ARHGAP26: variants seen among roughly 807,000 people sequenced by gnomAD.
ARHGAP26 encodes the protein Rho GTPase activating protein 26.
Under a neutral mutation model 104.8 loss-of-function variants are expected in ARHGAP26, and 38 were observed. The ratio of observed to expected loss-of-function variants is 0.36; its 90% confidence interval spans 0.28 to 0.48. The LOEUF is 0.48. Among genes scored for constraint, ARHGAP26 ranks in the 20% least tolerant of loss-of-function variants. The probability of loss-of-function intolerance (pLI) is 0.99; values close to 1 mark genes in which losing one functional copy is unlikely to be tolerated. For missense variants in ARHGAP26, 704 were observed against 947.9 expected (o/e 0.74, Z 3.38); for synonymous variants, 341 against 340.0 (o/e 1.00, Z -0.03).
Position 143,214,081 on chromosome 5 carries a change from C to A in ARHGAP26, c.2184C>A (p.Phe728Leu). 1 of 1,538,802 alleles carries A rather than the reference C, an allele frequency of 6.5e-7. No homozygotes were observed. Among genetic ancestry groups the A allele is most frequent in the Non-Finnish European group, 8.8e-7 (1 of 1,132,820 alleles). ...TTTCGTTCACAGCAGGCACGGTCTT[C>A]GATAACGGTGAGTTTCTCATCCCCT... ...SELSFTAGTV[F>L]DNVHPSQEPG... is the part of the protein sequence containing the mutation. The change falls in exon 22 of 23, where the codon TTC becomes TTA. Residue 728 changes from phenylalanine to leucine, a missense_variant. By Grantham distance (22) the Phe-to-Leu change is conservative. Coordinates refer to ENST00000645722, the MANE Select transcript of ARHGAP26 (RefSeq NM_001135608.3).
At chr5:142,891,326 A>T (rs753919752) in intron 5 of ARHGAP26, among the ~76,000 whole-genome samples, 1 of 151,904 alleles carries the variant, frequency 6.6e-6, no homozygotes, top group Non-Finnish European at 1.5e-5. Flanking sequence ...AAATGCCCCC[A>T]GTCTTAGCCT....
At chr5:143,221,985 C>A (rs998167443) in intron 22 of ARHGAP26, among the ~76,000 whole-genome samples, 1 of 152,022 alleles carries the variant, frequency 6.6e-6, no homozygotes, top group Middle Eastern at 3.2e-3. Context: ...TGGACCAGGA[C>A]AACTGTTGCC....
intron 11 of ARHGAP26, among the ~76,000 whole-genome samples, chr5:142,938,152 G>A (rs767420220): frequency 6.6e-6 from 1 of 152,018 alleles, no homozygotes; most frequent in Non-Finnish European, 1.5e-5. Flanking sequence ...CTATGTTATA[G>A]TTTTAAAAGA....
chr5:142,842,133 A>T (rs1770931601), intron 1 of ARHGAP26, among the ~76,000 whole-genome samples: 1 of 152,194 alleles, frequency 6.6e-6, no homozygotes, highest in Non-Finnish European at 1.5e-5. Context: ...TTCCAAAGTC[A>T]TGATTCGCTT....
chr5:143,074,637 G>A (rs915938073), intron 17 of ARHGAP26, among the ~76,000 whole-genome samples: 1 of 152,172 alleles, frequency 6.6e-6, no homozygotes, highest in Non-Finnish European at 1.5e-5. Flanking sequence ...GGCAGCCTTC[G>A]AGCTAGGATG....
chr5:142,903,550 G>C lies in ARHGAP26; in HGVS notation c.713G>C (p.Arg238Pro). Reference protein sequence around the residue: ...LTISIQNTRNRFEGTRSEVES... With the variant: ...LTISIQNTRNPFEGTRSEVES... ...TTATTTTCATCCTAGACAAGAAATC[G>C]CTTTGAAGGCACTAGATCAGAAGTG... Residue 238 changes from arginine to proline, a missense_variant, in exon 8 of 23, where the codon CGC (arginine) becomes CCC (proline). This residue lies in a region of ARHGAP26 where 287 missense variants were observed against 438.8 expected (regional missense o/e 0.65). Coordinates refer to ENST00000645722, the MANE Select transcript of ARHGAP26 (RefSeq NM_001135608.3). 1 of 1,612,308 alleles carries C rather than the reference G, an allele frequency of 6.2e-7. No individual in the cohort carries two copies. Among genetic ancestry groups the C allele is most frequent in the Non-Finnish European group, 8.5e-7 (1 of 1,179,420 alleles).
intron 11 of ARHGAP26, among the ~76,000 whole-genome samples, chr5:143,007,194 G>GAAAA (rs34602049): frequency 2.9e-5 from 2 of 69,576 alleles, no homozygotes; most frequent in Non-Finnish European, 5.7e-5. Context: ...CTCTGTCTCC[G>GAAAA]AAAAAAAAAA....
At chr5:143,129,129 A>G (rs941891123) in intron 18 of ARHGAP26, among the ~76,000 whole-genome samples, 11 of 152,236 alleles carry the variant, frequency 7.2e-5, no homozygotes. Flanking sequence ...TTTTGTAGAC[A>G]GTGCAAGGGA....
intron 11 of ARHGAP26, among the ~76,000 whole-genome samples, chr5:142,997,362 C>A (rs1436799621): frequency 1.3e-5 from 2 of 152,132 alleles, no homozygotes; most frequent in Admixed American, 6.5e-5. Flanking sequence ...ACTCTACCTT[C>A]TTGTTTCAGC....
Position 142,903,527 on chromosome 5 carries a change from A to G in ARHGAP26, c.703-13A>G. 6.2e-7 allele frequency: 1 copy of G among 1,611,410 alleles called. No individual in the cohort carries two copies. The highest frequency in any genetic ancestry group is 8.5e-7 in the Non-Finnish European group (1 of 1,178,816). Reference sequence around the variant, plus strand: ...TTGTTTCTTTGATTTGAATAAAATTATTTTCATCCTAGACAAGAAATCGCT... The same window carrying G: ...TTGTTTCTTTGATTTGAATAAAATTGTTTTCATCCTAGACAAGAAATCGCT... On this transcript the variant is annotated splice_polypyrimidine_tract_variant and intron_variant, in intron 7 of 22. Coordinates refer to ENST00000645722, the MANE Select transcript of ARHGAP26 (RefSeq NM_001135608.3).
chr5:143,156,380 T>C (rs1167353743), intron 20 of ARHGAP26, among the ~76,000 whole-genome samples: 1 of 152,164 alleles, frequency 6.6e-6, no homozygotes, highest in Non-Finnish European at 1.5e-5. Flanking sequence ...CTTCATTTGG[T>C]CTCTGTTACA....
At chr5:143,088,814 A>G (rs754277257) in intron 17 of ARHGAP26, among the ~76,000 whole-genome samples, 13 of 152,198 alleles carry the variant, frequency 8.5e-5, no homozygotes, top group Non-Finnish European at 1.6e-4. Flanking sequence ...TAGACTGTAC[A>G]AGCTAAACAA....
intron 11 of ARHGAP26, among the ~76,000 whole-genome samples, chr5:142,954,555 A>G (rs1768904229): frequency 6.6e-6 from 1 of 150,970 alleles, no homozygotes; most frequent in Non-Finnish European, 1.5e-5. Context: ...GTTAGTCCAC[A>G]CTCCCTGGCT....
chr5:142,985,374 A>G (rs550024669), intron 11 of ARHGAP26, among the ~76,000 whole-genome samples: 4 of 152,332 alleles, frequency 2.6e-5, no homozygotes, highest in African/African-American at 9.6e-5. Flanking sequence ...CAGTGTTTAT[A>G]AAGTCTACAG....
At chr5:143,002,077 AG>A (rs1437750737) in intron 11 of ARHGAP26, among the ~76,000 whole-genome samples, 2 of 152,084 alleles carry the variant, frequency 1.3e-5, no homozygotes, top group African/African-American at 4.8e-5. Flanking sequence ...ACGTGCTTTG[AG>A]TTTGTCTGAC....
intron 12 of ARHGAP26, among the ~76,000 whole-genome samples, chr5:143,031,446 A>G (rs73799517): frequency 0.089 from 13,545 of 152,176 alleles, 1,914 homozygotes; most frequent in African/African-American, 0.3. Flanking sequence ...AAGAAATTGG[A>G]CAAAATTGAG....
At chr5:143,136,321 C>T (rs750345969) in intron 19 of ARHGAP26, among the ~76,000 whole-genome samples, 1 of 152,136 alleles carries the variant, frequency 6.6e-6, no homozygotes, top group African/African-American at 2.4e-5. Flanking sequence ...CTGCTCTGTC[C>T]ATGTCTGCAG....
intron 18 of ARHGAP26, among the ~76,000 whole-genome samples, chr5:143,123,375 T>C (rs929346481): frequency 6.6e-6 from 1 of 152,258 alleles, no homozygotes; most frequent in Non-Finnish European, 1.5e-5. Flanking sequence ...CCTCAGTCTT[T>C]TTTGGAAGTC....
At chr5:143,130,009 C>T (rs575380584) in intron 18 of ARHGAP26, among the ~76,000 whole-genome samples, 1 of 152,292 alleles carries the variant, frequency 6.6e-6, no homozygotes, top group East Asian at 1.9e-4. Flanking sequence ...GTATGATGAT[C>T]TTAAGTTCCT....
Sources: gnomAD v4.1 joint callset for allele counts (sites outside exome capture counted in the v4.1 genomes callset) on GRCh38, gnomAD v4.1.1 for gene constraint, gnomAD v4.1.1 regional missense constraint, MANE v1.5 for transcripts, NCBI Gene and HGNC (gene_info 2026-07-23, HGNC 2026-07-21) for gene names.